PRKG1: variants seen among roughly 807,000 people sequenced by gnomAD.
PRKG1 encodes protein kinase cGMP-dependent 1.
PRKG1 carries 35 observed loss-of-function variants against 88.1 expected under a neutral mutation model. The observed-to-expected ratio is 0.40, with a 90% CI of 0.30 to 0.53. PRKG1 has a LOEUF of 0.53. Ranked by LOEUF, PRKG1 falls within the 20% of genes least tolerant of loss-of-function variation. PRKG1 has a pLI of 0.59. For synonymous variants in PRKG1, 303 were observed against 292.5 expected (o/e 1.04, Z -0.37); for missense variants, 540 against 839.8 (o/e 0.64, Z 4.41).
chr10:51,109,894 G>C (rs942375340), intron 1 of PRKG1, among the ~76,000 whole-genome samples: 3 of 151,858 alleles, frequency 2.0e-5, no homozygotes, highest in Non-Finnish European at 4.4e-5. Context: ...AATTCAAAAA[G>C]AACAACTAAA....
intron 4 of PRKG1, among the ~76,000 whole-genome samples, chr10:51,817,346 A>T (rs966032370): frequency 4.7e-4 from 17 of 36,402 alleles, no homozygotes; most frequent in African/African-American, 1.6e-3. Context: ...ATCCCTCCCC[A>T]ACCCCCCCCC....
chr10:52,125,218 A>G (rs1847904998), intron 7 of PRKG1, among the ~76,000 whole-genome samples: 1 of 152,148 alleles, frequency 6.6e-6, no homozygotes, highest in Non-Finnish European at 1.5e-5. Context: ...TGATATTACT[A>G]GATGAAAGGA....
At chr10:51,276,299 CT>C (rs1213627077) in intron 2 of PRKG1, among the ~76,000 whole-genome samples, 2 of 152,104 alleles carry the variant, frequency 1.3e-5, no homozygotes, top group African/African-American at 4.8e-5. Flanking sequence ...CGAACTCATC[CT>C]TTTTTATGGC....
At chr10:51,154,445 C>T (rs1564620257) in intron 2 of PRKG1, among the ~76,000 whole-genome samples, 1 of 151,796 alleles carries the variant, frequency 6.6e-6, no homozygotes, top group South Asian at 2.1e-4. Context: ...TTAGAGCCAA[C>T]GTATGAAAAA....
intron 1 of PRKG1, among the ~76,000 whole-genome samples, chr10:51,115,976 C>T (rs556552812): frequency 3.3e-5 from 5 of 152,032 alleles, no homozygotes; most frequent in African/African-American, 4.8e-5. Flanking sequence ...TAGAGGAGAC[C>T]GAGTACATGT....
chr10:51,026,791 C>G (rs1427439047), intron 1 of PRKG1, among the ~76,000 whole-genome samples: 1 of 152,136 alleles, frequency 6.6e-6, no homozygotes, highest in African/African-American at 2.4e-5. Context: ...AGGCAGAGAA[C>G]TAAGATTTAT....
intron 3 of PRKG1, among the ~76,000 whole-genome samples, chr10:51,531,314 C>T (rs1468459511): frequency 6.6e-6 from 1 of 152,110 alleles, no homozygotes; most frequent in Non-Finnish European, 1.5e-5. Context: ...TTGACGGTAA[C>T]AATCAGCATT....
chr10:51,995,203 G>A (rs1030190057), intron 5 of PRKG1, among the ~76,000 whole-genome samples: 1 of 151,754 alleles, frequency 6.6e-6, no homozygotes, highest in Non-Finnish European at 1.5e-5. Flanking sequence ...GCAACTTTGG[G>A]ACCACCGAAA....
At chr10:51,290,280 A>G (rs1028115995) in intron 2 of PRKG1, among the ~76,000 whole-genome samples, 3 of 152,148 alleles carry the variant, frequency 2.0e-5, no homozygotes, top group African/African-American at 7.2e-5. Flanking sequence ...AAAGAATTAT[A>G]CAAAATTTGT....
chr10:51,054,205 A>G (rs1208976360), intron 1 of PRKG1, among the ~76,000 whole-genome samples: 10 of 152,154 alleles, frequency 6.6e-5, no homozygotes, highest in African/African-American at 2.4e-4. Flanking sequence ...CAAATTTTTC[A>G]TAGAAAAAAA....
intron 2 of PRKG1, among the ~76,000 whole-genome samples, chr10:51,364,439 G>C (rs542179136): frequency 6.6e-6 from 1 of 152,056 alleles, no homozygotes; most frequent in African/African-American, 2.4e-5. Flanking sequence ...TTGCCAAGTT[G>C]TGGTATGTGC....
chr10:52,053,718 C>G (rs1846044683), intron 5 of PRKG1, among the ~76,000 whole-genome samples: 1 of 152,156 alleles, frequency 6.6e-6, no homozygotes, highest in South Asian at 2.1e-4. Context: ...GATATACTGA[C>G]TGTGATAATC....
chr10:51,846,949 C>T (rs1741082345), intron 4 of PRKG1, among the ~76,000 whole-genome samples: 2 of 152,108 alleles, frequency 1.3e-5, no homozygotes, highest in South Asian at 2.1e-4. Context: ...CTGCTAAAAT[C>T]AGTGATATGA....
At chr10:52,046,307 G>A (rs1251903631) in intron 5 of PRKG1, among the ~76,000 whole-genome samples, 1 of 151,990 alleles carries the variant, frequency 6.6e-6, no homozygotes, top group Non-Finnish European at 1.5e-5. Flanking sequence ...CATCATCTGA[G>A]CACCTTTACA....
intron 1 of PRKG1, among the ~76,000 whole-genome samples, chr10:50,997,151 C>G (rs1396469435): frequency 6.6e-6 from 1 of 152,112 alleles, no homozygotes; most frequent in Non-Finnish European, 1.5e-5. Context: ...GGAAATAAGA[C>G]CTGAAAGAAA....
chr10:51,025,209 C>A (rs1268835489), intron 1 of PRKG1, among the ~76,000 whole-genome samples: 1 of 152,174 alleles, frequency 6.6e-6, no homozygotes, highest in Non-Finnish European at 1.5e-5. Flanking sequence ...ATTACAATTT[C>A]CTATATAGTG....
intron 2 of PRKG1, among the ~76,000 whole-genome samples, chr10:51,377,151 A>G (rs1350868292): frequency 6.6e-6 from 1 of 152,122 alleles, no homozygotes; most frequent in Non-Finnish European, 1.5e-5. Context: ...AGTAGTCTCT[A>G]TGCTAACTGT....
rs74637068 is a variant in PRKG1, at chr10:52,177,214, A to G, written c.1076+15251A>G. The stretch of plus-strand genomic sequence containing the variant: ...AACTAATTTATTGAGAGTTTATATT[A>G]TGAAGGGATGTTGAATTTTCTCACA... On this transcript the variant is annotated intron_variant, in intron 9 of 17. Transcript: ENST00000373980. Among the ~76,000 whole-genome samples, 936 of 152,204 alleles carry G rather than the reference A, an allele frequency of 6.1e-3. 8 individuals carry two copies. The highest frequency in any genetic ancestry group is 0.021 in the African/African-American group (886 of 41,546).
chr10:52,186,795 A>G (rs1323754385), intron 9 of PRKG1, among the ~76,000 whole-genome samples: 1 of 152,184 alleles, frequency 6.6e-6, no homozygotes, highest in Non-Finnish European at 1.5e-5. Flanking sequence ...ATACAAAATT[A>G]TTTGGGAAAA....
Sources: allele counts gnomAD v4.1 joint callset (sites outside exome capture counted in the v4.1 genomes callset), GRCh38; gene constraint gnomAD v4.1.1; transcripts MANE v1.5; gene names NCBI Gene and HGNC (gene_info 2026-07-23, HGNC 2026-07-21).